Variants in TNS3 observed in about 807,000 individuals in gnomAD.
TNS3 encodes the protein tensin 3, also known as tensin-3.
In TNS3, 45 loss-of-function variants were observed where a neutral mutation model predicts 140.9. The ratio of observed to expected loss-of-function variants is 0.32; its 90% CI spans 0.25 to 0.41. The LOEUF (loss-of-function observed/expected upper bound fraction) is 0.41, where lower values mean the gene tolerates loss of function less well. TNS3 is among the 10% of genes least tolerant of loss of function. TNS3 has a pLI of 1.00. For synonymous variants in TNS3, 815 were observed against 788.4 expected (o/e 1.03, Z -0.56); for missense variants, 1,716 against 1,906.7 (o/e 0.90, Z 1.86).
At position 47,341,594 on chromosome 7, in the gene TNS3, C is replaced by T. The variant is rs556197173; in HGVS notation, c.2650+3161G>A. Among the ~76,000 whole-genome samples the T allele has an allele frequency of 4.6e-5, 7 of 152,180 alleles. 1 individual carries two copies. The highest frequency in any genetic ancestry group is 2.6e-4 in the Admixed American group (4 of 15,294). On this transcript the variant is annotated intron_variant, in intron 20 of 30. Coordinates refer to ENST00000311160, the MANE Select transcript of TNS3 (RefSeq NM_022748.12). ...GTGATGGTGCCTGTTTCCTTCCTAA[C>T]AATAGTAATCTATGTCCTCCATTTT... is the stretch of plus-strand genomic sequence containing the variant.
intron 20 of TNS3, among the ~76,000 whole-genome samples, chr7:47,323,641 T>C (rs1787873936): frequency 6.6e-6 from 1 of 152,244 alleles, no homozygotes; most frequent in Non-Finnish European, 1.5e-5. Flanking sequence ...CATGTGGTAC[T>C]CACCATAAAC....
intron 4 of TNS3, among the ~76,000 whole-genome samples, chr7:47,468,832 T>C (rs1167122210): frequency 6.6e-6 from 1 of 152,186 alleles, no homozygotes; most frequent in East Asian, 1.9e-4. Context: ...ATTATTCAAC[T>C]TCAAACTATA....
At chr7:47,315,617 C>G (rs563358579) in intron 20 of TNS3, among the ~76,000 whole-genome samples, 1 of 152,344 alleles carries the variant, frequency 6.6e-6, no homozygotes, top group South Asian at 2.1e-4. Context: ...GAGAAACCCA[C>G]GGGGCTCAGG....
chr7:47,483,218 A>G (rs1392351519), intron 3 of TNS3, among the ~76,000 whole-genome samples: 3 of 149,850 alleles, frequency 2.0e-5, no homozygotes, highest in Non-Finnish European at 3.0e-5. Flanking sequence ...CACCCAGGCT[A>G]GAGTGCAGTG....
chr7:47,469,834 C>T (rs990698098), intron 4 of TNS3, among the ~76,000 whole-genome samples: 12 of 151,908 alleles, frequency 7.9e-5, no homozygotes, highest in Middle Eastern at 6.8e-3. Flanking sequence ...ATTAGCCAGG[C>T]GTAATGGCAG....
At chr7:47,398,041 A>G (rs1189738968) in intron 15 of TNS3, among the ~76,000 whole-genome samples, 7 of 152,210 alleles carry the variant, frequency 4.6e-5, no homozygotes, top group Non-Finnish European at 1.0e-4. Flanking sequence ...ACCTTTATGT[A>G]TATAAACTAC....
At chr7:47,526,970 C>T (rs192674645) in intron 2 of TNS3, among the ~76,000 whole-genome samples, 48 of 152,266 alleles carry the variant, frequency 3.2e-4, no homozygotes, top group Admixed American at 3.0e-3. Context: ...TGGTGGCTCA[C>T]GCCTGTAATC....
intron 2 of TNS3, among the ~76,000 whole-genome samples, chr7:47,527,166 G>A (rs148730467): frequency 0.018 from 2,782 of 152,276 alleles, 93 homozygotes; most frequent in African/African-American, 0.063. Context: ...GAACCTGGGA[G>A]GCAGAGCTTG....
chr7:47,423,081 T>C (rs904566872), intron 10 of TNS3, among the ~76,000 whole-genome samples: 6 of 152,184 alleles, frequency 3.9e-5, no homozygotes, highest in African/African-American at 1.4e-4. Flanking sequence ...GTGCCTCTGG[T>C]GATGCTTGAA....
intron 1 of TNS3, among the ~76,000 whole-genome samples, chr7:47,559,307 G>A (rs940294019): frequency 2.6e-5 from 4 of 152,148 alleles, no homozygotes; most frequent in Non-Finnish European, 2.9e-5. Flanking sequence ...CCAAGATCAC[G>A]CCACTGCACT....
intron 2 of TNS3, among the ~76,000 whole-genome samples, chr7:47,527,337 C>T (rs1799233863): frequency 6.6e-6 from 1 of 152,186 alleles, no homozygotes; most frequent in Non-Finnish European, 1.5e-5. Flanking sequence ...TTGCCATGTT[C>T]CTGGAAAGGC....
chr7:47,302,752 A>AG (rs1430553382), intron 22 of TNS3, among the ~76,000 whole-genome samples, 198 bp downstream of exon 22: 1 of 152,252 alleles, frequency 6.6e-6, no homozygotes, highest in East Asian at 1.9e-4. Context: ...ACAGAAGCCA[A>AG]GAAGAGTGAA....
intron 1 of TNS3, among the ~76,000 whole-genome samples, chr7:47,577,691 C>T (rs985767812): frequency 8.5e-5 from 13 of 152,194 alleles, no homozygotes; most frequent in Non-Finnish European, 1.6e-4. Context: ...GGTTCAGCAA[C>T]GATCAGACTA....
chr7:47,340,115 ATTTTT>A (rs770520080), intron 20 of TNS3, among the ~76,000 whole-genome samples: 34 of 28,558 alleles, frequency 1.2e-3, no homozygotes, highest in African/African-American at 3.6e-3. Flanking sequence ...ATATATATAT[ATTTTT>A]TTTTTTTTTT....
chr7:47,429,333 A>C lies in TNS3; in HGVS notation c.325-957T>G, dbSNP rs532359745. 5.9e-5 allele frequency among the ~76,000 whole-genome samples: 9 copies of C among 152,174 alleles called. No homozygotes were observed. In the South Asian group the frequency reaches 1.9e-3, roughly 32 times the overall value. ...GGGGTAGGTTTGAGTATTTGCAGCA[A>C]GACCACGGGGACTGAAAAGTGTAAA... On this transcript the variant is annotated intron_variant, in intron 8 of 30. Transcript: ENST00000311160.
chr7:47,302,820 G>T (rs959669054), intron 22 of TNS3, 130 bp downstream of exon 22: 2 of 1,280,588 alleles, frequency 1.6e-6, no homozygotes, highest in South Asian at 1.6e-5. Flanking sequence ...GTACCCCAAC[G>T]GCTCTGGATT....
chr7:47,446,688 C>CTTTGTTTTTTTTT (rs1795751145), intron 4 of TNS3, among the ~76,000 whole-genome samples: 1 of 96,680 alleles, frequency 1.0e-5, no homozygotes, highest in African/African-American at 4.5e-5. Context: ...TCCAGGCTGC[C>CTTTGTTTTTTTTT]TTTTTTTTTT....
intron 3 of TNS3, among the ~76,000 whole-genome samples, chr7:47,485,653 G>A (rs1005665563): frequency 1.1e-4 from 17 of 152,244 alleles, no homozygotes; most frequent in South Asian, 2.1e-4. Flanking sequence ...CCCGGGATCC[G>A]TCCCTCCCAT....
At chr7:47,509,404 G>A (rs938683408) in intron 2 of TNS3, among the ~76,000 whole-genome samples, 12 of 152,150 alleles carry the variant, frequency 7.9e-5, no homozygotes, top group Admixed American at 3.3e-4. Flanking sequence ...CAAGTCCACC[G>A]TCAATCTATC....
Sources: allele counts gnomAD v4.1 joint callset (sites outside exome capture counted in the v4.1 genomes callset), GRCh38; gene constraint gnomAD v4.1.1; transcripts MANE v1.5; gene names NCBI Gene and HGNC (gene_info 2026-07-23, HGNC 2026-07-21).